Variants in PRKCB observed in about 807,000 individuals in gnomAD.
PRKCB encodes protein kinase C beta, also known as protein kinase C beta type.
PRKCB carries 13 observed loss-of-function variants against 81.5 expected under a neutral mutation model. That is an observed-to-expected ratio of 0.16 (90% CI 0.10 to 0.25). The LOEUF (loss-of-function observed/expected upper bound fraction) is 0.25. Ranked by LOEUF, PRKCB falls within the 10% of genes least tolerant of loss-of-function variation. The pLI, the probability that PRKCB is intolerant of heterozygous loss-of-function variation, is 1.00. For missense variants in PRKCB, 509 were observed against 875.7 expected (o/e 0.58, Z 5.29); for synonymous variants, 335 against 321.4 (o/e 1.04, Z -0.45).
chr16:23,980,019 C>T (rs149577490), intron 2 of PRKCB, among the ~76,000 whole-genome samples: 58 of 152,238 alleles, frequency 3.8e-4, no homozygotes, highest in Middle Eastern at 6.8e-3. Flanking sequence ...CAGGAGTTTG[C>T]GGCTACAGTG....
At chr16:23,916,220 A>ATTTT (rs10678336) in intron 2 of PRKCB, among the ~76,000 whole-genome samples, 14 of 112,858 alleles carry the variant, frequency 1.2e-4, no homozygotes, top group African/African-American at 2.8e-4. Context: ...CATGTGGCTA[A>ATTTT]TTTTTTTTTT....
At chr16:24,145,372 G>T (rs398648) in intron 9 of PRKCB, among the ~76,000 whole-genome samples, 1 of 152,064 alleles carries the variant, frequency 6.6e-6, no homozygotes, top group African/African-American at 2.4e-5. Flanking sequence ...GAGGCCAGGA[G>T]TTCCAGACAA....
At chr16:23,882,008 T>TTC (rs763413737) in intron 2 of PRKCB, among the ~76,000 whole-genome samples, 4,241 of 97,842 alleles carry the variant, frequency 0.043, 258 homozygotes, top group Middle Eastern at 0.093. Context: ...CTTTCTTTCT[T>TTC]TCTTTCTTTC....
At chr16:24,150,766 G>A (rs746385118) in intron 9 of PRKCB, among the ~76,000 whole-genome samples, 29 of 152,156 alleles carry the variant, frequency 1.9e-4, no homozygotes, top group Non-Finnish European at 2.4e-4. Flanking sequence ...GATCCAGACC[G>A]TCCCGCAAAG....
chr16:24,047,695 T>G (rs1364976255), intron 5 of PRKCB, among the ~76,000 whole-genome samples: 6 of 152,188 alleles, frequency 3.9e-5, no homozygotes, highest in Non-Finnish European at 8.8e-5. Flanking sequence ...CATTGGAACA[T>G]AAGAAACACC....
intron 2 of PRKCB, among the ~76,000 whole-genome samples, chr16:23,978,499 C>T (rs554957440): frequency 1.5e-4 from 23 of 152,316 alleles, no homozygotes; most frequent in Non-Finnish European, 2.9e-5. Context: ...GAAAACCAAG[C>T]TCCTTTGCTT....
Position 23,935,580 on chromosome 16 carries a change from A to G in PRKCB, c.206-52928A>G, listed in dbSNP as rs956578202. Among the ~76,000 whole-genome samples the G allele has an allele frequency of 5.3e-5, 8 of 152,114 alleles. No individual in the cohort carries two copies. In the East Asian group the frequency reaches 1.5e-3, roughly 29 times the overall value. On this transcript the variant is annotated intron_variant, in intron 2 of 16. Transcript: ENST00000643927. ...TCTTTTAAAATAGTGTTTTAAATGTATTTTTTGTAGTATGTTCACAGGACT... is the reference window on the plus strand; with the variant it reads ...TCTTTTAAAATAGTGTTTTAAATGTGTTTTTTGTAGTATGTTCACAGGACT...
chr16:23,975,462 G>A (rs1482933292), intron 2 of PRKCB, among the ~76,000 whole-genome samples: 9 of 152,242 alleles, frequency 5.9e-5, no homozygotes, highest in Non-Finnish European at 1.2e-4. Context: ...CAGCGAGGTG[G>A]ATGTGCCTAT....
chr16:23,872,031 AAC>A (rs972549942), intron 2 of PRKCB, among the ~76,000 whole-genome samples: 1 of 152,182 alleles, frequency 6.6e-6, no homozygotes, highest in African/African-American at 2.4e-5. Context: ...GGGGGTGCTC[AAC>A]ACACATAATT....
intron 3 of PRKCB, among the ~76,000 whole-genome samples, chr16:24,013,568 T>C (rs1048413179): frequency 6.6e-6 from 1 of 152,194 alleles, no homozygotes; most frequent in African/African-American, 2.4e-5. Flanking sequence ...TGGCACATGG[T>C]GAGTGCTGTA....
In PRKCB at chr16:24,144,793, A is replaced by G. The variant is rs551893862; in HGVS notation, c.1066-9891A>G. Among the ~76,000 whole-genome samples, 96 of 152,320 alleles carry G rather than the reference A, an allele frequency of 6.3e-4. 2 individuals carry two copies. The South Asian group carries it at 0.019, about 30-fold the overall frequency. ...TGACCTTGATCTGGGAGATTTTTAA[A>G]GCAACTTCTCCTACTCATGAAATCC... On this transcript the variant is annotated intron_variant, in intron 9 of 16. Transcript: ENST00000643927.
At chr16:24,032,529 C>A (rs1965562961) in intron 4 of PRKCB, among the ~76,000 whole-genome samples, 1 of 152,204 alleles carries the variant, frequency 6.6e-6, no homozygotes, top group East Asian at 1.9e-4. Context: ...ACTCATGGTT[C>A]ATGGTGGATT....
intron 2 of PRKCB, among the ~76,000 whole-genome samples, chr16:23,868,743 C>T (rs8055985): frequency 0.42 from 64,021 of 152,084 alleles, 13,803 homozygotes; most frequent in South Asian, 0.64. Flanking sequence ...AAAGTGGTGA[C>T]ATGAATGGCT....
At chr16:23,968,112 T>C (rs1964512027) in intron 2 of PRKCB, among the ~76,000 whole-genome samples, 2 of 152,154 alleles carry the variant, frequency 1.3e-5, no homozygotes, top group African/African-American at 2.4e-5. Context: ...TTGTGGGTCT[T>C]TGAGTTTGTG....
intron 2 of PRKCB, among the ~76,000 whole-genome samples, chr16:23,907,156 A>G (rs1963572673): frequency 6.6e-6 from 1 of 152,200 alleles, no homozygotes; most frequent in Non-Finnish European, 1.5e-5. Context: ...TACCCAGTAT[A>G]CACCAGTATT....
chr16:24,199,402 T>A (rs1596595511), intron 16 of PRKCB, among the ~76,000 whole-genome samples: 1 of 152,174 alleles, frequency 6.6e-6, no homozygotes, highest in Non-Finnish European at 1.5e-5. Context: ...TGCCTCTGTG[T>A]GTGTGTGTCT....
At chr16:24,195,387 C>T (rs547375673) in intron 16 of PRKCB, among the ~76,000 whole-genome samples, 20 of 152,204 alleles carry the variant, frequency 1.3e-4, no homozygotes, top group African/African-American at 4.6e-4. Context: ...TGCAGAGTTC[C>T]ATGTGCCTTG....
chr16:24,030,541 A>G (rs577985725), intron 3 of PRKCB, among the ~76,000 whole-genome samples: 15 of 152,132 alleles, frequency 9.9e-5, no homozygotes, highest in Non-Finnish European at 2.1e-4. Flanking sequence ...TAAGGAGAGC[A>G]CTAGCATTAT....
At position 23,882,012 on chromosome 16, in the gene PRKCB, T is replaced by TCC. The variant is rs1567301061; in HGVS notation, c.205+44606_205+44607insCC. Among the ~76,000 whole-genome samples, 158 of 101,906 alleles carry TCC rather than the reference T, an allele frequency of 1.6e-3. 1 individual carries two copies. Among genetic ancestry groups the TCC allele is most frequent in the African/African-American group, 5.6e-3 (148 of 26,416 alleles). The allele number at this position is 101,906 out of a possible 152,430, so 66.9% of individuals were successfully genotyped here. ...TTTCTTTCTTTCTTTCTTTCTTTCT[T>TCC]TCTTTCTTTCTTCCTTCCTTCCTTC... On this transcript the variant is annotated intron_variant, in intron 2 of 16. Coordinates refer to ENST00000643927, the MANE Select transcript of PRKCB (RefSeq NM_002738.7).
Sources: allele counts gnomAD v4.1 joint callset (sites outside exome capture counted in the v4.1 genomes callset), GRCh38; gene constraint gnomAD v4.1.1; transcripts MANE v1.5; gene names NCBI Gene and HGNC (gene_info 2026-07-23, HGNC 2026-07-21).